The following SLC24A2 variants were observed in gnomAD, a reference collection of about 807,000 sequenced individuals.
SLC24A2 encodes the protein solute carrier family 24 member 2, also known as sodium/potassium/calcium exchanger 2.
SLC24A2 carries 36 observed loss-of-function variants against 62.0 expected under a neutral mutation model. The ratio of observed to expected loss-of-function variants is 0.58; its 90% confidence interval spans 0.44 to 0.77. SLC24A2 has a LOEUF of 0.77. SLC24A2 is among the 30% of genes least tolerant of loss of function. SLC24A2 has a pLI of 0.00. For synonymous variants in SLC24A2, 358 were observed against 294.0 expected (o/e 1.22, Z -2.23); for missense variants, 846 against 817.9 (o/e 1.03, Z -0.42).
the SLC24A2 span, among the ~76,000 whole-genome samples, chr9:19,882,664 TA>T: frequency 0.013 from 1,897 of 140,796 alleles, 25 homozygotes; most frequent in African/African-American, 0.033. Context: ...ATCTACAGGT[TA>T]AAAAAAAAAA....
the SLC24A2 span, among the ~76,000 whole-genome samples, chr9:19,890,358 A>C: frequency 1.3e-5 from 2 of 152,350 alleles, no homozygotes; most frequent in African/African-American, 4.8e-5. Flanking sequence ...AGGCAGGACC[A>C]CTGGAGGCTA....
the SLC24A2 span, among the ~76,000 whole-genome samples, chr9:20,142,749 C>G: frequency 6.6e-6 from 1 of 152,162 alleles, no homozygotes; most frequent in African/African-American, 2.4e-5. Context: ...GCACCTGCCA[C>G]CACGCCCAGC....
chr9:20,202,923 C>T, the SLC24A2 span, among the ~76,000 whole-genome samples: 1 of 152,124 alleles, frequency 6.6e-6, no homozygotes, highest in African/African-American at 2.4e-5. Flanking sequence ...TTAGCAAACA[C>T]TCAAATGTGT....
At chr9:20,189,578 T>G in the SLC24A2 span, among the ~76,000 whole-genome samples, 1 of 152,184 alleles carries the variant, frequency 6.6e-6, no homozygotes, top group Non-Finnish European at 1.5e-5. Context: ...TTATGATTCT[T>G]AAGGACCATT....
chr9:19,855,512 T>C, the SLC24A2 span, among the ~76,000 whole-genome samples: 4 of 152,192 alleles, frequency 2.6e-5, no homozygotes, highest in African/African-American at 9.7e-5. Flanking sequence ...AGCATTTGCT[T>C]GTCTGAAAAG....
chr9:19,726,728 C>T (rs909764758), intron 2 of SLC24A2, among the ~76,000 whole-genome samples: 1 of 152,196 alleles, frequency 6.6e-6, no homozygotes, highest in Non-Finnish European at 1.5e-5. Flanking sequence ...ATATGGTTAA[C>T]ATAGCTAAAT....
At chr9:20,058,240 C>G in the SLC24A2 span, among the ~76,000 whole-genome samples, 1 of 152,080 alleles carries the variant, frequency 6.6e-6, no homozygotes, top group Non-Finnish European at 1.5e-5. Context: ...GAAGTCAGAT[C>G]AAGGTCTTTC....
At chr9:19,961,401 G>C in the SLC24A2 span, among the ~76,000 whole-genome samples, 6 of 152,088 alleles carry the variant, frequency 3.9e-5, no homozygotes, top group African/African-American at 1.2e-4. Context: ...CCCAATCTTT[G>C]GCATGGGGTT....
At chr9:19,707,325 G>A (rs1053078786) in intron 2 of SLC24A2, among the ~76,000 whole-genome samples, 4 of 152,186 alleles carry the variant, frequency 2.6e-5, no homozygotes, top group Admixed American at 2.0e-4. Context: ...TCTACCAGAG[G>A]TACAAGGAGG....
the SLC24A2 span, among the ~76,000 whole-genome samples, chr9:20,240,650 C>T: frequency 5.9e-5 from 9 of 151,952 alleles, no homozygotes; most frequent in Middle Eastern, 3.2e-3. Flanking sequence ...CAGATTGTAG[C>T]GGGGTTTTAA....
intron 8 of SLC24A2, among the ~76,000 whole-genome samples, chr9:19,545,258 C>T (rs1834493064): frequency 6.6e-6 from 1 of 151,870 alleles, no homozygotes; most frequent in African/African-American, 2.4e-5. Flanking sequence ...AATTCTCATG[C>T]TGTGTTTTTC....
At chr9:19,889,087 G>A in the SLC24A2 span, among the ~76,000 whole-genome samples, 4 of 152,178 alleles carry the variant, frequency 2.6e-5, no homozygotes, top group South Asian at 4.1e-4. Context: ...GAATAAGCAG[G>A]TGCCTGGCAC....
chr9:19,832,064 G>A, the SLC24A2 span, among the ~76,000 whole-genome samples: 1 of 152,222 alleles, frequency 6.6e-6, no homozygotes, highest in South Asian at 2.1e-4. Flanking sequence ...TCACATCTTT[G>A]CCTGTCTGTA....
the SLC24A2 span, among the ~76,000 whole-genome samples, chr9:20,271,267 T>A: frequency 6.6e-6 from 1 of 152,184 alleles, no homozygotes; most frequent in Non-Finnish European, 1.5e-5. Flanking sequence ...CTGTCCCCCA[T>A]ATAATTTACA....
chr9:20,013,684 T>C, the SLC24A2 span, among the ~76,000 whole-genome samples: 1 of 152,120 alleles, frequency 6.6e-6, no homozygotes, highest in Non-Finnish European at 1.5e-5. Flanking sequence ...ATCATGTGTC[T>C]GACAAAAGGT....
chr9:19,815,520 T>C, the SLC24A2 span, among the ~76,000 whole-genome samples: 2 of 152,152 alleles, frequency 1.3e-5, no homozygotes, highest in Non-Finnish European at 1.5e-5. Flanking sequence ...CTTTTTTTCC[T>C]TTTAAAACCC....
intron 4 of SLC24A2, among the ~76,000 whole-genome samples, chr9:19,607,174 T>G (rs938361350): frequency 1.3e-5 from 2 of 152,190 alleles, no homozygotes; most frequent in African/African-American, 4.8e-5. Flanking sequence ...AATACACATT[T>G]CGAATAGGAA....
At chr9:20,011,598 A>G in the SLC24A2 span, among the ~76,000 whole-genome samples, 1 of 152,216 alleles carries the variant, frequency 6.6e-6, no homozygotes, top group Non-Finnish European at 1.5e-5. Flanking sequence ...TTTGTGTTAC[A>G]GGAATTCCTG....
the SLC24A2 span, among the ~76,000 whole-genome samples, chr9:20,188,181 G>C: frequency 6.6e-6 from 1 of 152,184 alleles, no homozygotes; most frequent in Non-Finnish European, 1.5e-5. Flanking sequence ...ATGCGACAAG[G>C]TGCATCCCCA....
Sources: allele counts gnomAD v4.1 joint callset (sites outside exome capture counted in the v4.1 genomes callset), GRCh38; gene constraint gnomAD v4.1.1; transcripts MANE v1.5; gene names NCBI Gene and HGNC (gene_info 2026-07-23, HGNC 2026-07-21).